ARIH1: variants seen among roughly 807,000 people sequenced by gnomAD.
ARIH1 encodes the protein ariadne RBR E3 ubiquitin protein ligase 1.
A neutral mutation model predicts 85.0 loss-of-function variants in ARIH1; 8 were observed. The ratio of observed to expected loss-of-function variants is 0.09; its 90% CI spans 0.06 to 0.17. ARIH1 has a LOEUF of 0.17. ARIH1 is among the 10% of genes least tolerant of loss of function. The probability of loss-of-function intolerance (pLI) is 1.00; values close to 1 mark genes in which losing one functional copy is unlikely to be tolerated. For synonymous variants in ARIH1, 238 were observed against 253.6 expected (o/e 0.94, Z 0.59); for missense variants, 311 against 718.1 (o/e 0.43, Z 6.48).
chr15:72,538,212 A>C (rs959663956), intron 2 of ARIH1, among the ~76,000 whole-genome samples: 5 of 152,112 alleles, frequency 3.3e-5, no homozygotes, highest in African/African-American at 1.2e-4. Context: ...AAAATCACAA[A>C]AAAATTAGCC....
At chr15:72,579,481 C>G (rs2140439704) in intron 11 of ARIH1, among the ~76,000 whole-genome samples, 1 of 152,292 alleles carries the variant, frequency 6.6e-6, no homozygotes, top group African/African-American at 2.4e-5. Context: ...AATATCTCTG[C>G]TTTTTGCTTG....
chr15:72,548,122 G>A (rs2064137594), intron 3 of ARIH1, among the ~76,000 whole-genome samples: 1 of 152,186 alleles, frequency 6.6e-6, no homozygotes, highest in African/African-American at 2.4e-5. Context: ...AAGTAGTAAG[G>A]TGACATATTC....
chr15:72,566,985 G>T, intron 8 of ARIH1, 121 bp from the exon 9 acceptor site: 1 of 685,292 alleles, frequency 1.5e-6, no homozygotes. Flanking sequence ...GAGGATGTGA[G>T]CCTAGTGATA....
intron 2 of ARIH1, among the ~76,000 whole-genome samples, chr15:72,530,569 TAAC>T (rs1192719059): frequency 6.6e-6 from 1 of 152,174 alleles, no homozygotes; most frequent in Non-Finnish European, 1.5e-5. Flanking sequence ...TCTAGGGAAA[TAAC>T]ATTATTTAAG....
In ARIH1 at chr15:72,548,458, G is replaced by A. The variant is rs2064138989; in HGVS notation, c.588+3494G>A. Among the ~76,000 whole-genome samples, 2 of 152,122 alleles carry A rather than the reference G, an allele frequency of 1.3e-5. 1 individual carries two copies. The highest frequency in any genetic ancestry group is 1.3e-4 in the Admixed American group (2 of 15,276). ...CTAAAGAGTCACTGACTTGAAGGTG[G>A]GAAAGGAAATGGAAGCAATAAATGT... is the stretch of plus-strand genomic sequence containing the variant. On this transcript the variant is annotated intron_variant, in intron 3 of 13. Coordinates refer to ENST00000379887, the MANE Select transcript of ARIH1 (RefSeq NM_005744.5).
intron 1 of ARIH1, among the ~76,000 whole-genome samples, chr15:72,491,058 G>C (rs1443491580): frequency 6.6e-6 from 1 of 152,308 alleles, no homozygotes; most frequent in Non-Finnish European, 1.5e-5. Flanking sequence ...AGAGGTTGCA[G>C]TGAGCCGAGA....
chr15:72,500,748 A>G (rs564145414), intron 1 of ARIH1, among the ~76,000 whole-genome samples: 121 of 152,238 alleles, frequency 7.9e-4, no homozygotes, highest in Admixed American at 1.1e-3. Flanking sequence ...GAGCATAAGC[A>G]TATTATTTAG....
intron 2 of ARIH1, among the ~76,000 whole-genome samples, chr15:72,528,870 A>C (rs1386355397): frequency 6.6e-6 from 1 of 152,008 alleles, no homozygotes; most frequent in Non-Finnish European, 1.5e-5. Context: ...AACAAAAAAC[A>C]ATTCACGTAT....
chr15:72,482,799 T>A (rs1176193273), intron 1 of ARIH1, among the ~76,000 whole-genome samples: 1 of 151,600 alleles, frequency 6.6e-6, no homozygotes, highest in Admixed American at 6.6e-5. Context: ...CTTACAAGGC[T>A]GCAACCAAGG....
intron 2 of ARIH1, among the ~76,000 whole-genome samples, chr15:72,536,597 G>A (rs1487845713): frequency 6.6e-6 from 1 of 152,156 alleles, no homozygotes; most frequent in African/African-American, 2.4e-5. Context: ...TGTAGTAAAT[G>A]GGTATTGGAT....
At chr15:72,495,311 T>A (rs1158116009) in intron 1 of ARIH1, among the ~76,000 whole-genome samples, 1 of 152,204 alleles carries the variant, frequency 6.6e-6, no homozygotes, top group Non-Finnish European at 1.5e-5. Flanking sequence ...CTGTCACAAT[T>A]CTGTGAATAT....
chr15:72,484,178 A>G (rs1482532206), intron 1 of ARIH1, among the ~76,000 whole-genome samples: 2 of 151,474 alleles, frequency 1.3e-5, no homozygotes, highest in Non-Finnish European at 2.9e-5. Context: ...CATCAAAAAA[A>G]AAAAAAAAAA....
intron 3 of ARIH1, among the ~76,000 whole-genome samples, chr15:72,551,224 T>C (rs980241833): frequency 7.9e-5 from 12 of 152,174 alleles, no homozygotes; most frequent in African/African-American, 2.9e-4. Flanking sequence ...GAAAGATTGC[T>C]ATGAAGAAAA....
intron 1 of ARIH1, among the ~76,000 whole-genome samples, chr15:72,485,337 T>C (rs1259999318): frequency 6.6e-6 from 1 of 152,216 alleles, no homozygotes; most frequent in Non-Finnish European, 1.5e-5. Flanking sequence ...TAAGTGGGTC[T>C]CTGGGGGGTT....
At chr15:72,518,044 C>CT (rs756389164) in intron 1 of ARIH1, 23 bp from the exon 2 acceptor site, 5 of 1,587,188 alleles carry the variant, frequency 3.2e-6, no homozygotes, top group South Asian at 2.2e-5. Context: ...CTTAAAATGA[C>CT]TTTTTTTCCC....
In ARIH1 at chr15:72,593,680, C is replaced by T. The variant is rs1459444808; in HGVS notation, c.*10388C>T. ...TGTTCCATTAATCTATTTGTGTATCCTTACATCAGTACCACACTTTGGATT... is the reference window on the plus strand; with the variant it reads ...TGTTCCATTAATCTATTTGTGTATCTTTACATCAGTACCACACTTTGGATT... On this transcript the variant is annotated 3_prime_UTR_variant, in exon 14 of 14. Coordinates refer to ENST00000379887, the MANE Select transcript of ARIH1 (RefSeq NM_005744.5). The T allele has an allele frequency of 6.6e-6, 1 of 152,088 alleles. No individual in the cohort carries two copies. The highest frequency in any genetic ancestry group is 1.9e-4 in the East Asian group (1 of 5,202). 9.4% of individuals were successfully genotyped at this position (152,088 alleles called of 1,614,324 possible). A position where few individuals can be genotyped will look rare whatever the true frequency, so the allele number is the denominator to read the frequency against.
intron 1 of ARIH1, among the ~76,000 whole-genome samples, chr15:72,492,070 T>TA (rs1189125822): frequency 1.3e-5 from 2 of 152,142 alleles, no homozygotes. Context: ...GTCTACTACA[T>TA]ACCCCATTTA....
rs143411580 is a variant in ARIH1 at position 72,499,956 on chromosome 15, C to T, written c.376-18111C>T. On this transcript the variant is annotated intron_variant, in intron 1 of 13. Transcript: ENST00000379887. ...TCTTAGGCTGTTACTTATTGTGGCT[C>T]TGATAATGTGCTTAATTTTCCTTCA... is the stretch of plus-strand genomic sequence containing the variant. Among the ~76,000 whole-genome samples, 191 of 152,274 alleles carry T rather than the reference C, an allele frequency of 1.3e-3. 1 individual carries two copies. The highest frequency in any genetic ancestry group is 4.5e-3 in the African/African-American group (185 of 41,536).
At position 72,594,551 on chromosome 15, in the gene ARIH1, A is replaced by G. The variant is rs541433246; in HGVS notation, c.*11259A>G. The G allele has an allele frequency of 6.6e-5, 10 of 152,164 alleles. No homozygotes were observed. The highest frequency in any genetic ancestry group is 1.9e-4 in the East Asian group (1 of 5,170). 9.4% of individuals were successfully genotyped at this position (152,164 alleles called of 1,614,324 possible). On this transcript the variant is annotated 3_prime_UTR_variant, in exon 14 of 14. Coordinates refer to ENST00000379887, the MANE Select transcript of ARIH1 (RefSeq NM_005744.5). ...TGTTTCTTTAGAGATGGGTCTCACT[A>G]TGTTGCCCAGGTTGGTCTTAAACTC... is the stretch of plus-strand genomic sequence containing the variant.
Sources: allele counts gnomAD v4.1 joint callset (sites outside exome capture counted in the v4.1 genomes callset), GRCh38; gene constraint gnomAD v4.1.1; transcripts MANE v1.5; gene names NCBI Gene and HGNC (gene_info 2026-07-23, HGNC 2026-07-21).